GPSM1: variants seen among roughly 807,000 people sequenced by gnomAD.
GPSM1 encodes the protein G protein-signaling modulator 1.
Under a neutral mutation model 70.5 loss-of-function variants are expected in GPSM1, and 48 were observed. The ratio of observed to expected loss-of-function variants is 0.68; its 90% confidence interval spans 0.54 to 0.87. GPSM1 has a LOEUF of 0.87. Ranked by LOEUF, GPSM1 falls within the 40% of genes least tolerant of loss-of-function variation. GPSM1 has a pLI of 0.00. For synonymous variants in GPSM1, 416 were observed against 430.1 expected (o/e 0.97, Z 0.41); for missense variants, 981 against 972.6 (o/e 1.01, Z -0.11).
intron 10 of GPSM1, 63 bp from the exon 11 acceptor site, chr9:136,349,524 G>A: frequency 6.9e-7 from 1 of 1,442,944 alleles, no homozygotes; most frequent in Non-Finnish European, 9.4e-7. Context: ...TCCCTTCAGG[G>A]TCCTGGGATG....
intron 10 of GPSM1, 126 bp downstream of exon 10, chr9:136,348,893 T>A: frequency 1.4e-6 from 1 of 700,292 alleles, no homozygotes; most frequent in Non-Finnish European, 2.4e-6. Flanking sequence ...TGTGCCCTCC[T>A]CGGCCTGATG....
chr9:136,338,039 A>C, intron 6 of GPSM1, 78 bp downstream of exon 6: 1 of 938,958 alleles, frequency 1.1e-6, no homozygotes, highest in Non-Finnish European at 1.6e-6. Flanking sequence ...TGCCCGCCCC[A>C]AGCTGGGAAT....
In GPSM1 at chr9:136,334,281, G is replaced by A. The variant is rs573025401; in HGVS notation, c.69-166G>A. On this transcript the variant is annotated intron_variant, in intron 1 of 13. Transcript: ENST00000440944. ...GCTGGGGCGCCCTTGGGCCGCACAC[G>A]TGCTTCCAGGCCTGTATCCCAAAGA... 1.1e-3 allele frequency among the ~76,000 whole-genome samples: 171 copies of A among 152,360 alleles called. 1 individual carries two copies. The highest frequency in any genetic ancestry group is 1.9e-3 in the Non-Finnish European group (128 of 68,028).
At chr9:136,354,052 G>A (rs577699524) in intron 11 of GPSM1, among the ~76,000 whole-genome samples, 8 of 152,270 alleles carry the variant, frequency 5.3e-5, no homozygotes, top group East Asian at 3.9e-4. Context: ...AGAGCCCTGC[G>A]GGGAGAAGGG....
In GPSM1 at chr9:136,345,982, C is replaced by T. The variant is rs371065631; in HGVS notation, c.1208-2715C>T. 2.5e-4 allele frequency among the ~76,000 whole-genome samples: 38 copies of T among 152,316 alleles called. No homozygotes were observed. The East Asian group carries it at 6.9e-3, about 28-fold the overall frequency. On this transcript the variant is annotated intron_variant, in intron 9 of 13. Coordinates refer to ENST00000440944, the MANE Select transcript of GPSM1 (RefSeq NM_001145638.3). Reference sequence around the variant, plus strand: ...GTGCCTGGCCGGATCCTGAATGTGCCGGAGCTAACCCTGATCCCGCTGACC... The same window carrying T: ...GTGCCTGGCCGGATCCTGAATGTGCTGGAGCTAACCCTGATCCCGCTGACC...
At position 136,337,942 on chromosome 9, in the gene GPSM1, G is replaced by T. The variant is rs782759946; in HGVS notation, c.799G>T (p.Val267Leu). The T allele has an allele frequency of 2.5e-6, 4 of 1,610,182 alleles. No homozygotes were observed. The highest frequency in any genetic ancestry group is 2.2e-5 in the South Asian group (2 of 90,958). The stretch of plus-strand genomic sequence containing the variant: ...CCACGTCTTCCTGGGGCGCTTTGAC[G>T]TGGCCGCCGAGTACTACAAGTAGGT... ...NAHVFLGRFD[V>L]AAEYYKKTLQ... is the part of the protein sequence containing the mutation. Residue 267 changes from valine to leucine, a missense_variant, in exon 6 of 14, where the codon GTG becomes TTG. Coordinates refer to ENST00000440944, the MANE Select transcript of GPSM1 (RefSeq NM_001145638.3).
At chr9:136,347,627 A>T (rs868930438) in intron 9 of GPSM1, among the ~76,000 whole-genome samples, 1 of 152,152 alleles carries the variant, frequency 6.6e-6, no homozygotes. Flanking sequence ...CCGCCTCCTC[A>T]GGGAAGCGCC....
At chr9:136,352,672 C>T (rs1231214279) in intron 11 of GPSM1, among the ~76,000 whole-genome samples, 3 of 152,222 alleles carry the variant, frequency 2.0e-5, no homozygotes, top group Non-Finnish European at 4.4e-5. Context: ...AGGACAGCAA[C>T]CCGCCCAGGT....
chr9:136,337,137 C>T lies in GPSM1; in HGVS notation c.578+65C>T, dbSNP rs1832260608. On this transcript the variant is annotated intron_variant, in intron 4 of 13. Coordinates refer to ENST00000440944, the MANE Select transcript of GPSM1 (RefSeq NM_001145638.3). The stretch of plus-strand genomic sequence containing the variant: ...TGTGCGTTTCTGAGCTCCACAGACA[C>T]TTCCAGACCCCCGACCCCAGCCCCA... The T allele has an allele frequency of 9.3e-6, 13 of 1,398,618 alleles. No individual in the cohort carries two copies. The South Asian group carries it at 1.7e-4, about 18-fold the overall frequency. The allele number at this position is 1,398,618 out of a possible 1,614,324, so 86.6% of individuals were successfully genotyped here.
At position 136,334,651 on chromosome 9, in the gene GPSM1, T is replaced by C. The variant is rs139175448; in HGVS notation, c.273T>C (p.His91=). The C allele has an allele frequency of 1.8e-4, 293 of 1,611,640 alleles. No homozygotes were observed. In the African/African-American group the frequency reaches 3.5e-3, roughly 19 times the overall value. ...EHGRALEYHK[H]DLLLARTIGD... is the part of the protein sequence containing the mutation. ...GCCGGGCGCTGGAATACCACAAGCATGACCTCCTGCTGGCGCGGTGAGTGG... is the reference window on the plus strand; with the variant it reads ...GCCGGGCGCTGGAATACCACAAGCACGACCTCCTGCTGGCGCGGTGAGTGG... Residue 91 remains histidine (H), a synonymous_variant, in exon 2 of 14, where the codon CAT becomes CAC. Coordinates refer to ENST00000440944, the MANE Select transcript of GPSM1 (RefSeq NM_001145638.3).
chr9:136,333,776 C>G (rs1456593245), intron 1 of GPSM1, among the ~76,000 whole-genome samples: 1 of 152,236 alleles, frequency 6.6e-6, no homozygotes, highest in South Asian at 2.1e-4. Context: ...CAGCGGCGAG[C>G]GCTTAGCTCT....
Position 136,338,628 on chromosome 9 carries a change from A to G in GPSM1, c.892A>G (p.Thr298Ala), listed in dbSNP as rs1479401728. The change falls in exon 7 of 14, where the codon ACC becomes GCC. Residue 298 changes from threonine (T) to alanine (A), a missense_variant. Coordinates refer to ENST00000440944, the MANE Select transcript of GPSM1 (RefSeq NM_001145638.3). ...EAQACYSLGN[T>A]YTLLQDYERA... ...GCAGGCCTGCTACAGTCTGGGCAAC[A>G]CCTACACGCTGCTGCAGGACTACGA... is the stretch of plus-strand genomic sequence containing the variant. The G allele has an allele frequency of 2.5e-6, 4 of 1,608,400 alleles. No individual in the cohort carries two copies.
intron 9 of GPSM1, among the ~76,000 whole-genome samples, chr9:136,344,721 C>T (rs1212822828): frequency 2.0e-5 from 3 of 152,174 alleles, no homozygotes; most frequent in Non-Finnish European, 1.5e-5. Context: ...GAGATAACAG[C>T]CTGTGCAAAG....
chr9:136,349,452 T>G (rs1441049866), intron 10 of GPSM1, 135 bp from the exon 11 acceptor site: 1 of 783,380 alleles, frequency 1.3e-6, no homozygotes, highest in Non-Finnish European at 2.0e-6. Flanking sequence ...CCCAGTCCTC[T>G]CCTCCTCTCT....
chr9:136,351,016 G>A (rs1832647451), intron 11 of GPSM1, among the ~76,000 whole-genome samples: 1 of 152,220 alleles, frequency 6.6e-6, no homozygotes, highest in Admixed American at 6.5e-5. Flanking sequence ...GCCGAGTCCG[G>A]GTTCGGAGGT....
intron 11 of GPSM1, among the ~76,000 whole-genome samples, chr9:136,351,726 C>T (rs565340854): frequency 3.3e-5 from 5 of 152,360 alleles, no homozygotes; most frequent in Non-Finnish European, 7.4e-5. Flanking sequence ...CTGCAACCAC[C>T]GCGGGGCAGG....
chr9:136,351,394 G>A (rs1347073535), intron 11 of GPSM1, among the ~76,000 whole-genome samples: 5 of 152,122 alleles, frequency 3.3e-5, no homozygotes, highest in Non-Finnish European at 7.4e-5. Context: ...TCCACAGCTG[G>A]CCCTGCCCTG....
rs1322875083 is a variant in GPSM1 at position 136,340,126 on chromosome 9, G to A, written c.1083+311G>A. ...GTGGTCAGGGCGGAACATCACAGAT[G>A]AACTGTGGGCCTCCCGGCTCCCGGC... is the stretch of plus-strand genomic sequence containing the variant. On this transcript the variant is annotated intron_variant, in intron 8 of 13. Transcript: ENST00000440944. This position sits in a 1 kb window ranked among gnomAD's most constrained non-coding sequence, Gnocchi z 7.3. Among the ~76,000 whole-genome samples, 1 of 152,202 alleles carries A rather than the reference G, an allele frequency of 6.6e-6. No homozygotes were observed. Among genetic ancestry groups the A allele is most frequent in the Non-Finnish European group, 1.5e-5 (1 of 68,024 alleles).
chr9:136,348,858 C>A, intron 10 of GPSM1, 91 bp downstream of exon 10: 1 of 932,722 alleles, frequency 1.1e-6, no homozygotes, highest in Non-Finnish European at 1.7e-6. Context: ...CCACCCACCT[C>A]AGCCCCTGTC....
Sources: gnomAD v4.1 joint callset for allele counts (sites outside exome capture counted in the v4.1 genomes callset) on GRCh38, gnomAD v4.1.1 for gene constraint, Gnocchi (gnomAD v3.1) non-coding constraint, MANE v1.5 for transcripts, NCBI Gene and HGNC (gene_info 2026-07-23, HGNC 2026-07-21) for gene names.